Variants in AUTS2 observed in about 807,000 individuals in gnomAD.
AUTS2 encodes activator of transcription and developmental regulator AUTS2.
In AUTS2, 17 loss-of-function variants were observed where a neutral mutation model predicts 112.4. The observed-to-expected ratio is 0.15, with a 90% CI of 0.10 to 0.23. AUTS2 has a LOEUF of 0.23. AUTS2 is among the 10% of genes least tolerant of loss of function. The pLI is 1.00. For synonymous variants in AUTS2, 751 were observed against 702.7 expected, an observed-to-expected ratio of 1.07 and a Z score of -1.09; for missense variants, 1,510 against 1,701.6, an observed-to-expected ratio of 0.89 and a Z score of 1.98.
chr7:70,170,700 C>T (rs752677788), intron 4 of AUTS2, among the ~76,000 whole-genome samples: 1 of 151,498 alleles, frequency 6.6e-6, no homozygotes, highest in Non-Finnish European at 1.5e-5. Context: ...CTCCACCTCC[C>T]GGGTTCAAGC....
At chr7:70,111,087 G>A (rs932776065) in intron 2 of AUTS2, among the ~76,000 whole-genome samples, 1 of 151,398 alleles carries the variant, frequency 6.6e-6, no homozygotes, top group African/African-American at 2.4e-5. Flanking sequence ...CACCGTGTTA[G>A]CCAGGATGGT....
At chr7:69,993,995 G>T (rs926200156) in intron 2 of AUTS2, among the ~76,000 whole-genome samples, 2 of 152,112 alleles carry the variant, frequency 1.3e-5, no homozygotes, top group Non-Finnish European at 2.9e-5. Flanking sequence ...GCTGCTTTGG[G>T]CCCCAAGAAA....
At chr7:69,728,262 C>T (rs1291842631) in intron 1 of AUTS2, among the ~76,000 whole-genome samples, 1 of 152,206 alleles carries the variant, frequency 6.6e-6, no homozygotes, top group African/African-American at 2.4e-5. Context: ...CCTTGTGTGG[C>T]TCCTATTCCT....
intron 2 of AUTS2, among the ~76,000 whole-genome samples, chr7:70,112,373 C>T (rs534115271): frequency 3.0e-4 from 45 of 151,872 alleles, no homozygotes; most frequent in African/African-American, 1.1e-3. Context: ...TCTTTGTTAC[C>T]CTGGTACATT....
intron 4 of AUTS2, among the ~76,000 whole-genome samples, chr7:70,354,425 G>C (rs1362163867): frequency 1.3e-5 from 2 of 152,208 alleles, no homozygotes. Flanking sequence ...CCAACTAACA[G>C]CTACTAAGTG....
At chr7:70,730,162 G>A (rs1021410740) in intron 6 of AUTS2, among the ~76,000 whole-genome samples, 2 of 151,984 alleles carry the variant, frequency 1.3e-5, no homozygotes, top group Admixed American at 1.3e-4. Context: ...GATTACAGGT[G>A]TGAGCCACTG....
intron 4 of AUTS2, among the ~76,000 whole-genome samples, chr7:70,299,753 G>T (rs1789117383): frequency 6.6e-6 from 1 of 151,694 alleles, no homozygotes; most frequent in Non-Finnish European, 1.5e-5. Flanking sequence ...AGTCCACAGG[G>T]TTTTAATCCA....
chr7:70,214,471 A>G (rs181921534), intron 4 of AUTS2, among the ~76,000 whole-genome samples: 148 of 152,354 alleles, frequency 9.7e-4, no homozygotes, highest in African/African-American at 3.5e-3. Context: ...AGTGTTGCAT[A>G]CAACACATGT....
At chr7:70,731,182 A>G (rs1482562327) in intron 6 of AUTS2, among the ~76,000 whole-genome samples, 2 of 151,990 alleles carry the variant, frequency 1.3e-5, no homozygotes, top group Non-Finnish European at 2.9e-5. Context: ...ATTTTCTCCC[A>G]TTTTGTGAGT....
At chr7:70,304,356 A>G (rs560810572) in intron 4 of AUTS2, among the ~76,000 whole-genome samples, 1 of 152,204 alleles carries the variant, frequency 6.6e-6, no homozygotes, top group Non-Finnish European at 1.5e-5. Flanking sequence ...GCTTTTATTG[A>G]TACTTCAGCA....
intron 1 of AUTS2, among the ~76,000 whole-genome samples, chr7:69,889,549 AT>A (rs1794427462): frequency 6.6e-6 from 1 of 152,124 alleles, no homozygotes; most frequent in African/African-American, 2.4e-5. Flanking sequence ...TGTGGTTTTG[AT>A]TTGCATATTC....
chr7:70,476,455 C>A (rs1024095393), intron 5 of AUTS2, among the ~76,000 whole-genome samples: 1 of 152,190 alleles, frequency 6.6e-6, no homozygotes, highest in Non-Finnish European at 1.5e-5. Flanking sequence ...CAGAGTCTTT[C>A]CAGCAGAGGT....
Position 70,763,250 on chromosome 7 carries a change from C to T in AUTS2, c.1123C>T (p.Leu375Phe), listed in dbSNP as rs144368634. 1.5e-5 allele frequency: 25 copies of T among 1,614,042 alleles called. No individual in the cohort carries two copies. Among genetic ancestry groups the T allele is most frequent in the Non-Finnish European group, 1.9e-5 (23 of 1,179,988 alleles). ...CCCCACCCAGCTGCTCCATCAGAAC[C>T]TCCCACCTGTGCAGGCCCACCCCTC... is the stretch of plus-strand genomic sequence containing the variant. Reference protein sequence around the residue: ...QSPTQLLHQNLPPVQAHPSAQ... With the variant: ...QSPTQLLHQNFPPVQAHPSAQ... The change falls in exon 7 of 19, where the codon CTC becomes TTC. Residue 375 changes from leucine (L) to phenylalanine (F), a missense_variant. By Grantham distance (22) the Leu-to-Phe change is conservative. Around this residue, in one of 3 missense-constraint regions of AUTS2, gnomAD observed 535 missense variants for 594.3 expected, o/e 0.90. Transcript: ENST00000342771.
At chr7:70,435,993 T>C in intron 5 of AUTS2, 1 of 492,500 alleles carries the variant, frequency 2.0e-6, no homozygotes, top group Non-Finnish European at 3.6e-6. Flanking sequence ...AACAAGACCT[T>C]TAATATTGCA....
chr7:69,948,770 T>TTTCA (rs1380977096), intron 2 of AUTS2, among the ~76,000 whole-genome samples: 44 of 149,734 alleles, frequency 2.9e-4, no homozygotes, highest in African/African-American at 5.9e-4. Flanking sequence ...CAAAATTTTC[T>TTTCA]TTCATTTATT....
At chr7:69,863,603 ACTG>A (rs766136038) in intron 1 of AUTS2, among the ~76,000 whole-genome samples, 4 of 152,184 alleles carry the variant, frequency 2.6e-5, no homozygotes, top group African/African-American at 4.8e-5. Flanking sequence ...AAGTTTAAGA[ACTG>A]CTTACAGAAA....
At chr7:70,592,068 TTATAAA>T (rs1190853589) in intron 5 of AUTS2, among the ~76,000 whole-genome samples, 2 of 152,254 alleles carry the variant, frequency 1.3e-5, no homozygotes, top group East Asian at 3.8e-4. Context: ...AGTTATGCTG[TTATAAA>T]TAGAATATAT....
At chr7:70,717,094 C>T (rs554217112) in intron 6 of AUTS2, among the ~76,000 whole-genome samples, 1 of 150,772 alleles carries the variant, frequency 6.6e-6, no homozygotes, top group African/African-American at 2.4e-5. Context: ...TGCAGTGGCA[C>T]GGTCATAGCT....
chr7:70,437,332 A>G (rs1795935137), intron 5 of AUTS2: 1 of 152,244 alleles, frequency 6.6e-6, no homozygotes, highest in Non-Finnish European at 1.5e-5. Context: ...CACAGCAGTA[A>G]TGGTTAGTGT....
Sources: gnomAD v4.1 joint callset for allele counts (sites outside exome capture counted in the v4.1 genomes callset) on GRCh38, gnomAD v4.1.1 for gene constraint, gnomAD v4.1.1 regional missense constraint, MANE v1.5 for transcripts, NCBI Gene and HGNC (gene_info 2026-07-23, HGNC 2026-07-21) for gene names.